DNAAF9: variants seen among roughly 807,000 people sequenced by gnomAD.
DNAAF9 encodes the protein shulin.
Under a neutral mutation model 167.0 loss-of-function variants are expected in DNAAF9, and 90 were observed. That is an observed-to-expected ratio of 0.54 (90% confidence interval 0.45 to 0.64). The LOEUF (loss-of-function observed/expected upper bound fraction) is 0.64. Ranked by LOEUF, DNAAF9 falls within the 30% of genes least tolerant of loss-of-function variation. DNAAF9 has a pLI of 0.00. For missense variants in DNAAF9, 1,315 were observed against 1,442.2 expected, an observed-to-expected ratio of 0.91 and a Z score of 1.43; for synonymous variants, 491 against 508.8, an observed-to-expected ratio of 0.96 and a Z score of 0.47.
At chr20:3,398,937 G>A (rs943041483) in intron 1 of DNAAF9, among the ~76,000 whole-genome samples, 2 of 152,194 alleles carry the variant, frequency 1.3e-5, no homozygotes, top group Non-Finnish European at 2.9e-5. Context: ...AAAAAAGCTA[G>A]CCAATGTTCC....
At chr20:3,381,520 G>A (rs1400753265) in intron 2 of DNAAF9, 22 bp from the exon 3 acceptor site, 1 of 1,611,288 alleles carries the variant, frequency 6.2e-7, no homozygotes, top group Admixed American at 1.7e-5. Flanking sequence ...AGGAGGCTCT[G>A]ATCAGCTGTA....
chr20:3,310,422 C>T (rs948225739), intron 20 of DNAAF9, among the ~76,000 whole-genome samples: 2 of 150,724 alleles, frequency 1.3e-5, no homozygotes, highest in African/African-American at 4.9e-5. Context: ...CAGTGGGTCA[C>T]GCCTGTAATC....
chr20:3,396,079 T>C (rs1438093158), intron 1 of DNAAF9, among the ~76,000 whole-genome samples: 4 of 152,232 alleles, frequency 2.6e-5, no homozygotes, highest in Admixed American at 2.6e-4. Context: ...CCATGTGAGA[T>C]GTGCCTTTCA....
Position 3,319,262 on chromosome 20 carries a change from C to CAAAAAAA in DNAAF9, c.1357-869_1357-863dup, listed in dbSNP as rs57727958. Among the ~76,000 whole-genome samples, 43 of 41,536 alleles carry CAAAAAAA rather than the reference C, an allele frequency of 1.0e-3. 2 individuals are homozygous for CAAAAAAA. The highest frequency in any genetic ancestry group is 5.2e-3 in the East Asian group (10 of 1,914). 27.2% of individuals were successfully genotyped at this position (41,536 alleles called of 152,430 possible). ...TGGGCAACGGACCGAGACCCCGTCTCAAAAAAAAAAAAAAAAAAAAAAAAA... is the reference window on the plus strand; with the variant it reads ...TGGGCAACGGACCGAGACCCCGTCTCAAAAAAAAAAAAAAAAAAAAAAAAAAAAAAAA... On this transcript the variant is annotated intron_variant, in intron 16 of 36. Coordinates refer to ENST00000252032, the MANE Select transcript of DNAAF9 (RefSeq NM_001009984.3).
chr20:3,352,840 A>G (rs551668228), intron 7 of DNAAF9, among the ~76,000 whole-genome samples: 2 of 73,086 alleles, frequency 2.7e-5, no homozygotes, highest in South Asian at 9.2e-4. Context: ...TATGAGTTCA[A>G]AATATTTATA....
At chr20:3,335,589 G>A (rs934406812) in intron 10 of DNAAF9, among the ~76,000 whole-genome samples, 13 of 142,530 alleles carry the variant, frequency 9.1e-5, no homozygotes, top group Non-Finnish European at 1.5e-4. Context: ...AAACCCTGTC[G>A]CTACTAAAAA....
chr20:3,337,123 C>T (rs1454328281), intron 10 of DNAAF9, among the ~76,000 whole-genome samples: 2 of 150,966 alleles, frequency 1.3e-5, no homozygotes, highest in Admixed American at 1.3e-4. Flanking sequence ...TCGTGATCTG[C>T]CCACCTCGGC....
chr20:3,401,081 C>T (rs78861425), intron 1 of DNAAF9, among the ~76,000 whole-genome samples: 9,341 of 152,244 alleles, frequency 0.061, 363 homozygotes, highest in Non-Finnish European at 0.081. Context: ...TTCCGTAGAT[C>T]TGTAAACCCT....
intron 2 of DNAAF9, 96 bp from the exon 3 acceptor site, chr20:3,381,594 G>A: frequency 7.7e-7 from 1 of 1,299,622 alleles, no homozygotes; most frequent in Non-Finnish European, 1.1e-6. Flanking sequence ...TGATGATCAA[G>A]CTGAAGGACG....
chr20:3,283,479 G>A (rs1040491541), intron 27 of DNAAF9, among the ~76,000 whole-genome samples: 1 of 152,238 alleles, frequency 6.6e-6, no homozygotes, highest in Non-Finnish European at 1.5e-5. Context: ...TCTGCTCACA[G>A]CCTTCTCTTC....
chr20:3,360,567 T>G (rs1327681714), intron 6 of DNAAF9, among the ~76,000 whole-genome samples: 1 of 152,166 alleles, frequency 6.6e-6, no homozygotes, highest in Admixed American at 6.5e-5. Flanking sequence ...GAACAGAAAG[T>G]GGAAAGACGC....
chr20:3,279,535 A>G (rs1409709144), intron 28 of DNAAF9, among the ~76,000 whole-genome samples: 3 of 152,226 alleles, frequency 2.0e-5, no homozygotes, highest in African/African-American at 7.2e-5. Context: ...AGAAAAACTC[A>G]TATTCTCACA....
At chr20:3,279,793 AGGGCT>A (rs1251010510) in intron 28 of DNAAF9, among the ~76,000 whole-genome samples, 2 of 152,200 alleles carry the variant, frequency 1.3e-5, no homozygotes, top group Non-Finnish European at 2.9e-5. Context: ...GGGAGGCAGC[AGGGCT>A]AAGGCAGGGA....
Position 3,322,246 on chromosome 20 carries a change from T to G in DNAAF9, c.1327A>C (p.Ser443Arg). The change falls in exon 16 of 37, where the codon AGT becomes CGT. Residue 443 changes from serine to arginine, a missense_variant. Around this residue, in one of 2 missense-constraint regions of DNAAF9, gnomAD observed 981 missense variants for 1,012.5 expected, o/e 0.97. Transcript: ENST00000252032. ...NNQGRIVPLD[S>R]EDSLSFVKTA... The stretch of plus-strand genomic sequence containing the variant: ...TTCACAAAGGATAAGCTATCTTCAC[T>G]GTCCAGCGGTACAATTCTAGGAGGG... 1 of 1,609,756 alleles carries G rather than the reference T, an allele frequency of 6.2e-7. No individual in the cohort carries two copies. Among genetic ancestry groups the G allele is most frequent in the Non-Finnish European group, 8.5e-7 (1 of 1,176,858 alleles).
chr20:3,296,323 C>A, intron 23 of DNAAF9: 1 of 362,584 alleles, frequency 2.8e-6, no homozygotes, highest in South Asian at 2.1e-5. Flanking sequence ...TGGCCCGGGT[C>A]AGGGCTGTGA....
At chr20:3,294,487 A>G (rs771435972) in intron 24 of DNAAF9, 41 bp downstream of exon 24, 1 of 1,381,884 alleles carries the variant, frequency 7.2e-7, no homozygotes, top group South Asian at 1.2e-5. Context: ...ACATTTCAAA[A>G]GCCAGAATAT....
chr20:3,401,075 G>A (rs901650746), intron 1 of DNAAF9, among the ~76,000 whole-genome samples: 8 of 152,214 alleles, frequency 5.3e-5, no homozygotes, highest in East Asian at 1.9e-4. Context: ...TATTACTTCC[G>A]TAGATCTGTA....
chr20:3,326,351 C>T, intron 12 of DNAAF9, 67 bp from the exon 13 acceptor site: 1 of 1,022,600 alleles, frequency 9.8e-7, no homozygotes, highest in Non-Finnish European at 1.5e-6. Flanking sequence ...GATGCATGCA[C>T]ATAAATGACA....
chr20:3,253,026 C>A (rs2068219921), intron 36 of DNAAF9, among the ~76,000 whole-genome samples: 1 of 152,202 alleles, frequency 6.6e-6, no homozygotes, highest in Non-Finnish European at 1.5e-5. Context: ...CAGCTGCATC[C>A]AAACTATAAC....
Sources: gnomAD v4.1 joint callset for allele counts (sites outside exome capture counted in the v4.1 genomes callset) on GRCh38, gnomAD v4.1.1 for gene constraint, gnomAD v4.1.1 regional missense constraint, MANE v1.5 for transcripts, NCBI Gene and HGNC (gene_info 2026-07-23, HGNC 2026-07-21) for gene names.